The following NFYC variants were observed in gnomAD, a reference collection of about 807,000 sequenced individuals.
NFYC encodes the protein CAAT box DNA-binding protein subunit C.
A neutral mutation model predicts 53.1 loss-of-function variants in NFYC; 25 were observed. That is an observed-to-expected ratio of 0.47 (90% CI 0.34 to 0.66). The LOEUF is 0.66. Among genes scored for constraint, NFYC ranks in the 30% least tolerant of loss-of-function variants. NFYC has a pLI of 0.01. For missense variants in NFYC, 260 were observed against 422.7 expected, an observed-to-expected ratio of 0.62 and a Z score of 3.38; for synonymous variants, 145 against 152.6, an observed-to-expected ratio of 0.95 and a Z score of 0.37.
chr1:40,730,195 C>CTTTTTTTTTTTTTT (rs34045698), intron 1 of NFYC, among the ~76,000 whole-genome samples: 1 of 102,020 alleles, frequency 9.8e-6, no homozygotes, highest in Admixed American at 1.2e-4. Flanking sequence ...TCTTTCTTTT[C>CTTTTTTTTTTTTTT]TTTTTTTTTT....
chr1:40,709,066 T>G (rs1643854733), intron 1 of NFYC, among the ~76,000 whole-genome samples: 1 of 152,232 alleles, frequency 6.6e-6, no homozygotes, highest in Admixed American at 6.5e-5. Flanking sequence ...TATTCTGTTT[T>G]AGAAGCACAT....
intron 1 of NFYC, among the ~76,000 whole-genome samples, chr1:40,702,536 G>A (rs1056150309): frequency 1.1e-4 from 17 of 151,822 alleles, no homozygotes; most frequent in African/African-American, 4.1e-4. Context: ...TAGTGGTGGG[G>A]TTTCACCATG....
At chr1:40,752,141 A>G (rs1570643128) in intron 4 of NFYC, among the ~76,000 whole-genome samples, 1 of 152,254 alleles carries the variant, frequency 6.6e-6, no homozygotes, top group Non-Finnish European at 1.5e-5. Flanking sequence ...AAACATAAGC[A>G]AAGTTTACAG....
intron 1 of NFYC, among the ~76,000 whole-genome samples, chr1:40,704,396 A>C (rs1372154290): frequency 6.6e-6 from 1 of 152,132 alleles, no homozygotes; most frequent in East Asian, 1.9e-4. Flanking sequence ...TTAGGGTAAG[A>C]AGATGCAGTT....
intron 1 of NFYC, among the ~76,000 whole-genome samples, chr1:40,727,469 C>T (rs11208783): frequency 0.5 from 75,684 of 151,558 alleles, 19,858 homozygotes; most frequent in Non-Finnish European, 0.59. Context: ...GCAGTCCTCC[C>T]GCCTTGGCCT....
intron 2 of NFYC, among the ~76,000 whole-genome samples, chr1:40,745,903 C>T (rs1407287811): frequency 6.6e-6 from 1 of 152,024 alleles, no homozygotes; most frequent in Non-Finnish European, 1.5e-5. Flanking sequence ...GTGATGGGGT[C>T]TCACTATGTT....
intron 1 of NFYC, among the ~76,000 whole-genome samples, chr1:40,732,615 T>A (rs554943344): frequency 6.6e-6 from 1 of 152,356 alleles, no homozygotes; most frequent in African/African-American, 2.4e-5. Flanking sequence ...TTCTTGCTAA[T>A]GGATGGCCAG....
chr1:40,720,746 T>C (rs1644298732), intron 1 of NFYC, among the ~76,000 whole-genome samples: 1 of 152,114 alleles, frequency 6.6e-6, no homozygotes, highest in Non-Finnish European at 1.5e-5. Context: ...CAAGCACCTG[T>C]AGTCCCCGCT....
At chr1:40,747,341 A>G (rs570211791) in intron 2 of NFYC, among the ~76,000 whole-genome samples, 193 bp from the exon 3 acceptor site, 46 of 151,266 alleles carry the variant, frequency 3.0e-4, no homozygotes, top group African/African-American at 9.9e-4. Flanking sequence ...TAATTCTTTG[A>G]AGACCTGCAT....
intron 2 of NFYC, among the ~76,000 whole-genome samples, chr1:40,744,387 C>G (rs1426916360): frequency 3.3e-5 from 5 of 152,200 alleles, no homozygotes; most frequent in Admixed American, 6.5e-5. Flanking sequence ...TTCTAACCTG[C>G]AGCCCCAAGA....
chr1:40,749,622 T>G lies in NFYC; in HGVS notation c.227T>G (p.Phe76Cys). Residue 76 changes from phenylalanine (F) to cysteine (C), a missense_variant, in exon 4 of 10, where the codon TTT becomes TGT. Phe to Cys is a radical substitution (Grantham distance 205). Coordinates refer to ENST00000447388, the MANE Select transcript of NFYC (RefSeq NM_014223.5). ...PVLFAKAAQI[F>C]ITELTLRAWI... is the part of the protein sequence containing the mutation. ...CTCTTTGCCAAGGCAGCCCAGATTT[T>G]TATCACAGAGTTGACTCTTCGAGCC... 6.2e-7 allele frequency: 1 copy of G among 1,614,180 alleles called. No individual in the cohort carries two copies. The highest frequency in any genetic ancestry group is 8.5e-7 in the Non-Finnish European group (1 of 1,180,020).
At chr1:40,759,638 G>A (rs1425053557) in intron 6 of NFYC, among the ~76,000 whole-genome samples, 1 of 152,014 alleles carries the variant, frequency 6.6e-6, no homozygotes, top group African/African-American at 2.4e-5. Context: ...GTATGTAGGG[G>A]AGGGGATGAG....
At chr1:40,760,087 C>G (rs1258790241) in intron 6 of NFYC, among the ~76,000 whole-genome samples, 3 of 152,170 alleles carry the variant, frequency 2.0e-5, no homozygotes, top group Non-Finnish European at 4.4e-5. Flanking sequence ...TCCCGAGGAG[C>G]TGGGACTCCC....
intron 8 of NFYC, among the ~76,000 whole-genome samples, chr1:40,767,461 A>C (rs1646874794): frequency 6.6e-6 from 1 of 152,172 alleles, no homozygotes; most frequent in Non-Finnish European, 1.5e-5. Flanking sequence ...ATGAGCCAAA[A>C]GCAAGGCTTC....
intron 2 of NFYC, among the ~76,000 whole-genome samples, chr1:40,741,684 C>G (rs1234679839): frequency 2.0e-5 from 3 of 150,596 alleles, no homozygotes; most frequent in Non-Finnish European, 4.4e-5. Flanking sequence ...CTCACTGCAG[C>G]CTCGACCTCT....
intron 1 of NFYC, among the ~76,000 whole-genome samples, chr1:40,701,242 A>T (rs970325842): frequency 2.0e-5 from 3 of 151,946 alleles, no homozygotes; most frequent in Non-Finnish European, 4.4e-5. Flanking sequence ...CAGCCTCCTG[A>T]GTAGCTGGGA....
intron 1 of NFYC, among the ~76,000 whole-genome samples, chr1:40,729,276 C>T (rs1041204093): frequency 3.9e-5 from 6 of 152,220 alleles, no homozygotes; most frequent in Admixed American, 3.3e-4. Flanking sequence ...TAGCCAGTTG[C>T]ATCAATTACT....
At chr1:40,766,542 G>A in intron 7 of NFYC, 54 bp from the exon 8 acceptor site, 1 of 1,370,392 alleles carries the variant, frequency 7.3e-7, no homozygotes, top group Non-Finnish European at 1.0e-6. Context: ...AAGTTTGCCT[G>A]TTTGAGATTA....
intron 1 of NFYC, chr1:40,735,224 A>C (rs1450007052): frequency 6.6e-6 from 1 of 151,796 alleles, no homozygotes; most frequent in Non-Finnish European, 1.5e-5. Flanking sequence ...GATGCAGTAA[A>C]ATGTAAAGGA....
Sources: allele counts gnomAD v4.1 joint callset (sites outside exome capture counted in the v4.1 genomes callset), GRCh38; gene constraint gnomAD v4.1.1; transcripts MANE v1.5; gene names NCBI Gene and HGNC (gene_info 2026-07-23, HGNC 2026-07-21).